The following BAZ2B variants were observed in gnomAD, a reference collection of about 807,000 sequenced individuals.
BAZ2B encodes the protein bromodomain adjacent to zinc finger domain protein 2B.
Under a neutral mutation model 246.0 loss-of-function variants are expected in BAZ2B, and 91 were observed. The ratio of observed to expected loss-of-function variants is 0.37; its 90% CI spans 0.31 to 0.44. BAZ2B has a LOEUF of 0.44. BAZ2B is among the 20% of genes least tolerant of loss of function. The pLI is 1.00. For missense variants in BAZ2B, 2,332 were observed against 2,533.7 expected, an observed-to-expected ratio of 0.92 and a Z score of 1.71; for synonymous variants, 855 against 860.0, an observed-to-expected ratio of 0.99 and a Z score of 0.10.
At chr2:159,320,472 A>G in intron 36 of BAZ2B, 54 bp from the exon 37 acceptor site, 1 of 1,435,074 alleles carries the variant, frequency 7.0e-7, no homozygotes, top group Non-Finnish European at 9.4e-7. Context: ...TTTGTTTTGT[A>G]AACAAATGAA....
At chr2:159,634,829 T>C in the BAZ2B span, among the ~76,000 whole-genome samples, 1 of 152,328 alleles carries the variant, frequency 6.6e-6, no homozygotes. Context: ...GTCAATGACT[T>C]TAAAACACCC....
chr2:159,576,822 A>C (rs895968447), intron 1 of BAZ2B, among the ~76,000 whole-genome samples: 7 of 150,206 alleles, frequency 4.7e-5, no homozygotes, highest in Middle Eastern at 6.8e-3. Flanking sequence ...CTGAGGCAGG[A>C]GAATCGCTTG....
intron 27 of BAZ2B, among the ~76,000 whole-genome samples, chr2:159,364,139 T>C (rs963695480): frequency 1.3e-5 from 2 of 152,090 alleles, no homozygotes; most frequent in African/African-American, 2.4e-5. Flanking sequence ...TCCCTAACCA[T>C]GTACCCCAGA....
intron 3 of BAZ2B, among the ~76,000 whole-genome samples, chr2:159,465,691 G>A (rs745342815): frequency 2.0e-5 from 3 of 152,186 alleles, no homozygotes; most frequent in Non-Finnish European, 4.4e-5. Context: ...GGAGGCCGAG[G>A]TGGGCAGATC....
chr2:159,444,741 T>TCC (rs1255677045), intron 6 of BAZ2B: 1 of 152,252 alleles, frequency 6.6e-6, no homozygotes, highest in African/African-American at 2.4e-5. Context: ...ATCAGAAGCT[T>TCC]CCTGTCACAA....
At position 159,325,886 on chromosome 2, in the gene BAZ2B, A is replaced by C; in HGVS notation, c.5976T>G (p.Leu1992=). 6.3e-7 allele frequency: 1 copy of C among 1,588,878 alleles called. No homozygotes were observed. The highest frequency in any genetic ancestry group is 8.5e-7 in the Non-Finnish European group (1 of 1,173,870). ...ASGQTLKIKK[L]HVKGKKTNES... Reference sequence around the variant, plus strand: ...CATTAGTCTTTTTTCCTTTGACATGAAGTTTTTTGATTTTTAGAGTTTGAC... The same window carrying C: ...CATTAGTCTTTTTTCCTTTGACATGCAGTTTTTTGATTTTTAGAGTTTGAC... Residue 1992 remains leucine (L), a synonymous_variant, in exon 35 of 37, where the codon CTT becomes CTG. Coordinates refer to ENST00000392783, the MANE Select transcript of BAZ2B (RefSeq NM_013450.4).
intron 2 of BAZ2B, among the ~76,000 whole-genome samples, chr2:159,541,743 G>C (rs2086687189): frequency 6.6e-6 from 1 of 152,002 alleles, no homozygotes. Flanking sequence ...ATTTATCTGA[G>C]TAGTAACCTT....
chr2:159,386,160 T>C (rs1204483192), intron 22 of BAZ2B, among the ~76,000 whole-genome samples, 193 bp downstream of exon 22: 3 of 152,146 alleles, frequency 2.0e-5, no homozygotes, highest in African/African-American at 7.2e-5. Flanking sequence ...GAGAATGGTC[T>C]ACATTCCTTA....
chr2:159,655,950 A>G, the BAZ2B span, among the ~76,000 whole-genome samples: 1 of 152,068 alleles, frequency 6.6e-6, no homozygotes, highest in Non-Finnish European at 1.5e-5. Context: ...AAAATCTAAC[A>G]TCTGGGCCCA....
intron 2 of BAZ2B, among the ~76,000 whole-genome samples, chr2:159,533,529 G>A (rs1403783885): frequency 1.3e-5 from 2 of 152,104 alleles, no homozygotes; most frequent in African/African-American, 4.8e-5. Context: ...CAAACTTCAA[G>A]TTGTAGAAGC....
chr2:159,634,179 T>C, the BAZ2B span, among the ~76,000 whole-genome samples: 1 of 152,218 alleles, frequency 6.6e-6, no homozygotes, highest in East Asian at 1.9e-4. Context: ...AATAGCACAG[T>C]GTGAGAATAT....
At chr2:159,533,295 G>C (rs2085567018) in intron 2 of BAZ2B, among the ~76,000 whole-genome samples, 1 of 152,106 alleles carries the variant, frequency 6.6e-6, no homozygotes. Context: ...ACGGAAAGAA[G>C]AATAGAATAC....
the BAZ2B span, among the ~76,000 whole-genome samples, chr2:159,699,072 G>A: frequency 1.3e-5 from 2 of 152,184 alleles, no homozygotes; most frequent in Non-Finnish European, 2.9e-5. Flanking sequence ...GATACCAGAA[G>A]TAGCATGTGG....
the BAZ2B span, among the ~76,000 whole-genome samples, chr2:159,626,444 G>T: frequency 1.8e-3 from 278 of 152,200 alleles, 4 homozygotes; most frequent in Non-Finnish European, 1.8e-4. Context: ...CTCAGCAAAT[G>T]CAAAAGAATG....
the BAZ2B span, among the ~76,000 whole-genome samples, chr2:159,672,460 G>A: frequency 6.6e-6 from 1 of 152,130 alleles, no homozygotes; most frequent in African/African-American, 2.4e-5. Flanking sequence ...AAAAGAAGAA[G>A]ATAAAACTAT....
At chr2:159,468,765 C>T (rs1457421677) in intron 3 of BAZ2B, among the ~76,000 whole-genome samples, 1 of 152,134 alleles carries the variant, frequency 6.6e-6, no homozygotes, top group Non-Finnish European at 1.5e-5. Context: ...TAGGAAAAGG[C>T]CTTGTGCGGT....
chr2:159,464,372 G>C (rs79907084), intron 3 of BAZ2B: 1 of 151,998 alleles, frequency 6.6e-6, no homozygotes, highest in Non-Finnish European at 1.5e-5. Flanking sequence ...TCTGTAAAAT[G>C]TCCCTCTGGT....
chr2:159,642,430 G>A, the BAZ2B span, among the ~76,000 whole-genome samples: 3 of 151,468 alleles, frequency 2.0e-5, no homozygotes, highest in Non-Finnish European at 2.9e-5. Flanking sequence ...TGCAGATGGG[G>A]TTTCATCACG....
intron 10 of BAZ2B, 117 bp downstream of exon 10, chr2:159,430,746 T>TA (rs2070947258): frequency 6.8e-7 from 1 of 1,468,978 alleles, no homozygotes; most frequent in African/African-American, 1.4e-5. Context: ...TTAGCCAACC[T>TA]AAAATCTAAC....
Sources: allele counts gnomAD v4.1 joint callset (sites outside exome capture counted in the v4.1 genomes callset), GRCh38; gene constraint gnomAD v4.1.1; transcripts MANE v1.5; gene names NCBI Gene and HGNC (gene_info 2026-07-23, HGNC 2026-07-21).